Variants in LHFPL3 observed in about 807,000 individuals in gnomAD.
LHFPL3 encodes the protein LHFPL tetraspan subfamily member 3.
In LHFPL3, 5 loss-of-function variants were observed where a neutral mutation model predicts 19.3. The ratio of observed to expected loss-of-function variants is 0.26; its 90% CI spans 0.14 to 0.54. LHFPL3 has a LOEUF of 0.54. Among genes scored for constraint, LHFPL3 ranks in the 20% least tolerant of loss-of-function variants. LHFPL3 has a pLI of 0.94. For missense variants in LHFPL3, 249 were observed against 307.4 expected (o/e 0.81, Z 1.42); for synonymous variants, 133 against 126.2 (o/e 1.05, Z -0.36).
chr7:104,680,662 T>C (rs1792678178), intron 1 of LHFPL3, among the ~76,000 whole-genome samples: 1 of 152,188 alleles, frequency 6.6e-6, no homozygotes, highest in African/African-American at 2.4e-5. Flanking sequence ...TGTGTCATGG[T>C]TATACAGGAA....
At chr7:104,388,195 C>G (rs915936674) in intron 1 of LHFPL3, among the ~76,000 whole-genome samples, 1 of 152,110 alleles carries the variant, frequency 6.6e-6, no homozygotes, top group Non-Finnish European at 1.5e-5. Flanking sequence ...TGTTGATAGG[C>G]ACCTAGATTG....
intron 1 of LHFPL3, among the ~76,000 whole-genome samples, chr7:104,525,072 A>C (rs1794160622): frequency 6.6e-6 from 1 of 152,172 alleles, no homozygotes; most frequent in South Asian, 2.1e-4. Context: ...TTGGAGTAAC[A>C]GTTCTCCTTA....
In LHFPL3 at chr7:104,399,850, G is replaced by A. The variant is rs915544364; in HGVS notation, c.445+70626G>A. On this transcript the variant is annotated intron_variant, in intron 1 of 2. Transcript: ENST00000424859. The surrounding 1 kb of genome is among the most constrained non-coding windows in gnomAD (Gnocchi z 4.4). Reference sequence around the variant, plus strand: ...AGTCATGTTGAGAGGGTTGGCTAAAGACTCTGTAAGATCAGGGAGCCGAGG... The same window carrying A: ...AGTCATGTTGAGAGGGTTGGCTAAAAACTCTGTAAGATCAGGGAGCCGAGG... 1.3e-5 allele frequency among the ~76,000 whole-genome samples: 2 copies of A among 151,374 alleles called. No individual in the cohort carries two copies. The highest frequency in any genetic ancestry group is 4.8e-5 in the African/African-American group (2 of 41,256).
At chr7:104,360,202 A>G (rs570921045) in intron 1 of LHFPL3, among the ~76,000 whole-genome samples, 1 of 152,218 alleles carries the variant, frequency 6.6e-6, no homozygotes, top group African/African-American at 2.4e-5. Flanking sequence ...GATCTGGGCA[A>G]TGGCAAGTAA....
Position 104,603,932 on chromosome 7 carries a change from G to A in LHFPL3, c.446-132743G>A, listed in dbSNP as rs536041626. On this transcript the variant is annotated intron_variant, in intron 1 of 2. Coordinates refer to ENST00000424859, the MANE Select transcript of LHFPL3 (RefSeq NM_199000.3). ...TTTACTCTACCCAGTAGCTCTCATA[G>A]GTTGGAGTTTCATGCCTGCAGCTCT... is the stretch of plus-strand genomic sequence containing the variant. Among the ~76,000 whole-genome samples the A allele has an allele frequency of 3.3e-5, 5 of 152,322 alleles. No individual in the cohort carries two copies. The East Asian group carries it at 9.7e-4, about 29-fold the overall frequency.
At chr7:104,815,139 C>G (rs1434162425) in intron 2 of LHFPL3, among the ~76,000 whole-genome samples, 1 of 152,168 alleles carries the variant, frequency 6.6e-6, no homozygotes, top group Non-Finnish European at 1.5e-5. Flanking sequence ...ATAGCCATGG[C>G]TTCCACAGCT....
intron 1 of LHFPL3, among the ~76,000 whole-genome samples, chr7:104,573,342 G>A (rs1192635696): frequency 1.3e-5 from 2 of 150,436 alleles, no homozygotes; most frequent in African/African-American, 4.9e-5. Context: ...AACCTGGGAG[G>A]CGGAGGTTGC....
intron 2 of LHFPL3, among the ~76,000 whole-genome samples, chr7:104,864,149 G>A (rs865940502): frequency 2.4e-4 from 37 of 152,308 alleles, no homozygotes; most frequent in Middle Eastern, 6.8e-3. Context: ...CAAGATGGCC[G>A]AATAGGAATA....
chr7:104,603,377 T>G (rs1170985225), intron 1 of LHFPL3, among the ~76,000 whole-genome samples: 1 of 152,074 alleles, frequency 6.6e-6, no homozygotes, highest in Non-Finnish European at 1.5e-5. Context: ...TTAAGTTTAT[T>G]TTTTGTAGAG....
At chr7:104,856,997 C>T (rs1791518361) in intron 2 of LHFPL3, among the ~76,000 whole-genome samples, 1 of 152,210 alleles carries the variant, frequency 6.6e-6, no homozygotes, top group Non-Finnish European at 1.5e-5. Flanking sequence ...CTAACAGAAT[C>T]CCAATTTCCT....
chr7:104,807,637 C>A (rs1364065666), intron 2 of LHFPL3, among the ~76,000 whole-genome samples: 1 of 152,218 alleles, frequency 6.6e-6, no homozygotes, highest in Non-Finnish European at 1.5e-5. Flanking sequence ...GTTAATGCTG[C>A]TGCTACTATT....
At chr7:104,605,270 C>T (rs191974773) in intron 1 of LHFPL3, among the ~76,000 whole-genome samples, 16 of 152,108 alleles carry the variant, frequency 1.1e-4, no homozygotes, top group Admixed American at 1.0e-3. Flanking sequence ...CTCCCCTTTC[C>T]AATAATCTGA....
intron 2 of LHFPL3, 86 bp downstream of exon 2, chr7:104,736,997 C>A: frequency 9.3e-7 from 1 of 1,076,846 alleles, no homozygotes; most frequent in South Asian, 1.5e-5. Flanking sequence ...AATACTAGTG[C>A]TTCCCCTGAG....
intron 1 of LHFPL3, among the ~76,000 whole-genome samples, chr7:104,341,511 G>T (rs1429135363): frequency 6.6e-6 from 1 of 152,196 alleles, no homozygotes; most frequent in African/African-American, 2.4e-5. Context: ...ACTATTTAGA[G>T]CTGATTTTGA....
intron 2 of LHFPL3, among the ~76,000 whole-genome samples, chr7:104,891,110 G>A (rs965227596): frequency 2.0e-5 from 3 of 151,618 alleles, no homozygotes; most frequent in African/African-American, 7.3e-5. Flanking sequence ...GAGACATCTA[G>A]TTGCCAAATT....
chr7:104,333,126 A>G (rs181012079), intron 1 of LHFPL3, among the ~76,000 whole-genome samples: 54 of 152,310 alleles, frequency 3.5e-4, no homozygotes, highest in African/African-American at 1.3e-3. Flanking sequence ...CTTTAAGTCA[A>G]TATTTCAGTT....
chr7:104,659,019 A>T (rs1792172189), intron 1 of LHFPL3, among the ~76,000 whole-genome samples: 1 of 152,248 alleles, frequency 6.6e-6, no homozygotes, highest in South Asian at 2.1e-4. Context: ...ACCGAGGTTC[A>T]GTGAGGTCCC....
rs141674827 is a variant in LHFPL3, at chr7:104,755,385, C to T, written c.682+18474C>T. ...ACTGGGAAGGGTGTAGAATTGGGGC[C>T]ACTCATGCAATTCACACAAGGAGTC... On this transcript the variant is annotated intron_variant, in intron 2 of 2. Coordinates refer to ENST00000424859, the MANE Select transcript of LHFPL3 (RefSeq NM_199000.3). 2.3e-4 allele frequency among the ~76,000 whole-genome samples: 35 copies of T among 152,176 alleles called. No individual in the cohort carries two copies. The East Asian group carries it at 6.4e-3, about 28-fold the overall frequency.
chr7:104,815,842 G>A (rs1041436228), intron 2 of LHFPL3, among the ~76,000 whole-genome samples: 12 of 152,090 alleles, frequency 7.9e-5, no homozygotes, highest in South Asian at 6.2e-4. Context: ...GAACTGCCTC[G>A]TGTGAGTACT....
Sources: gnomAD v4.1 joint callset for allele counts (sites outside exome capture counted in the v4.1 genomes callset) on GRCh38, gnomAD v4.1.1 for gene constraint, Gnocchi (gnomAD v3.1) non-coding constraint, MANE v1.5 for transcripts, NCBI Gene and HGNC (gene_info 2026-07-23, HGNC 2026-07-21) for gene names.